The following BRD8 variants were observed in gnomAD, a reference collection of about 807,000 sequenced individuals.
The protein encoded by BRD8 is bromodomain-containing protein 8.
BRD8 carries 67 observed loss-of-function variants against 143.1 expected under a neutral mutation model. The ratio of observed to expected loss-of-function variants is 0.47; its 90% confidence interval spans 0.38 to 0.57. The LOEUF (loss-of-function observed/expected upper bound fraction) is 0.57. Ranked by LOEUF, BRD8 falls within the 20% of genes least tolerant of loss-of-function variation. The pLI is 0.00. For missense variants in BRD8, 1,103 were observed against 1,503.0 expected (o/e 0.73, Z 4.40); for synonymous variants, 505 against 517.1 (o/e 0.98, Z 0.32).
intron 2 of BRD8, among the ~76,000 whole-genome samples, chr5:138,174,400 GC>G (rs1327835735): frequency 6.6e-6 from 1 of 151,980 alleles, no homozygotes; most frequent in African/African-American, 2.4e-5. Flanking sequence ...TTCAAGACCA[GC>G]CTGGCCAACA....
intron 23 of BRD8, among the ~76,000 whole-genome samples, chr5:138,148,187 A>AG (rs1752236174): frequency 6.6e-6 from 1 of 150,634 alleles, no homozygotes; most frequent in Non-Finnish European, 1.5e-5. Context: ...GAAAAAAAAA[A>AG]GGGAAAAAAA....
chr5:138,142,114 C>A (rs1462742461), intron 25 of BRD8, among the ~76,000 whole-genome samples: 1 of 152,128 alleles, frequency 6.6e-6, no homozygotes, highest in African/African-American at 2.4e-5. Context: ...GGATTAGCAT[C>A]CTTATAAAAG....
intron 10 of BRD8, 137 bp from the exon 11 acceptor site, chr5:138,166,245 T>C (rs1218686732): frequency 1.4e-6 from 1 of 690,534 alleles, no homozygotes; most frequent in African/African-American, 1.8e-5. Context: ...CATGTGCCTA[T>C]GTTTTCTTCT....
At position 138,150,747 on chromosome 5, in the gene BRD8, C is replaced by G; in HGVS notation, c.3118G>C (p.Glu1040Gln). 1 of 1,606,326 alleles carries G rather than the reference C, an allele frequency of 6.2e-7. No homozygotes were observed. The highest frequency in any genetic ancestry group is 8.5e-7 in the Non-Finnish European group (1 of 1,177,186). ...GCTGATTTAAGTTACTTTCTTACCT[C>G]TTCACTCTCTGTGAGTAGTCCCTGA... ...TVQGLLTESE[E>Q]GEAQQESKGE... The change falls in exon 22 of 27, where the codon GAG becomes CAG. Residue 1040 changes from glutamate to glutamine, a missense_variant and splice_region_variant. Physicochemically the swap from Glu to Gln is conservative, Grantham distance 29. This residue lies in a region of BRD8 where 369 missense variants were observed against 445.5 expected (regional missense o/e 0.83). Transcript: ENST00000254900.
intron 10 of BRD8, 59 bp from the exon 11 acceptor site, chr5:138,166,167 T>A: frequency 8.2e-7 from 1 of 1,214,616 alleles, no homozygotes; most frequent in Non-Finnish European, 1.2e-6. Flanking sequence ...GCGACCACCT[T>A]GAGATCACAT....
At chr5:138,174,180 G>GTA (rs1754122030) in intron 2 of BRD8, among the ~76,000 whole-genome samples, 1 of 151,066 alleles carries the variant, frequency 6.6e-6, no homozygotes, top group Non-Finnish European at 1.5e-5. Flanking sequence ...GTGTGTGTGT[G>GTA]TATACATATA....
intron 25 of BRD8, among the ~76,000 whole-genome samples, chr5:138,141,359 G>A (rs192451057): frequency 0.024 from 3,721 of 152,268 alleles, 111 homozygotes; most frequent in African/African-American, 0.075. Flanking sequence ...CGAACTCCTA[G>A]CCTCAGGGGA....
chr5:138,173,266 C>A (rs368604937), intron 2 of BRD8, among the ~76,000 whole-genome samples: 1 of 151,774 alleles, frequency 6.6e-6, no homozygotes, highest in East Asian at 1.9e-4. Context: ...GGCATGGTGG[C>A]GTGCACCTTT....
intron 9 of BRD8, chr5:138,167,612 A>G: frequency 8.3e-6 from 2 of 239,958 alleles, no homozygotes; most frequent in South Asian, 5.9e-5. Flanking sequence ...TTCAAGCCCA[A>G]TTCTCTGGTT....
Position 138,149,924 on chromosome 5 carries a change from G to T in BRD8, c.3121-127C>A, listed in dbSNP as rs914040579. The T allele has an allele frequency of 1.2e-5, 10 of 846,712 alleles. No individual in the cohort carries two copies. The African/African-American group carries it at 1.6e-4, about 13-fold the overall frequency. The allele number at this position is 846,712 out of a possible 1,614,324, so 52.4% of individuals were successfully genotyped here. A position where few individuals can be genotyped will look rare whatever the true frequency, so the allele number is the denominator to read the frequency against. On this transcript the variant is annotated intron_variant, in intron 22 of 26. Coordinates refer to ENST00000254900, the MANE Select transcript of BRD8 (RefSeq NM_139199.2). ...AGGTCAATTACATAAAGCTACAAAAGAAATTAAAGAAAGCTGACTTAACTA... is the reference window on the plus strand; with the variant it reads ...AGGTCAATTACATAAAGCTACAAAATAAATTAAAGAAAGCTGACTTAACTA...
At chr5:138,171,870 T>C (rs1753890051) in intron 3 of BRD8, among the ~76,000 whole-genome samples, 195 bp downstream of exon 3, 1 of 152,154 alleles carries the variant, frequency 6.6e-6, no homozygotes, top group African/African-American at 2.4e-5. Flanking sequence ...TTAACTGTTA[T>C]GCAACACCAA....
At chr5:138,170,046 C>A (rs1753744889) in intron 7 of BRD8, among the ~76,000 whole-genome samples, 1 of 152,212 alleles carries the variant, frequency 6.6e-6, no homozygotes, top group African/African-American at 2.4e-5. Context: ...AATTTCTCCT[C>A]ATCTAATGAC....
At chr5:138,163,800 A>T (rs892730091) in intron 14 of BRD8, among the ~76,000 whole-genome samples, 1 of 152,186 alleles carries the variant, frequency 6.6e-6, no homozygotes, top group African/African-American at 2.4e-5. Context: ...AATAAACTTG[A>T]TTCCTGTATG....
chr5:138,173,836 C>A (rs1754086166), intron 2 of BRD8, among the ~76,000 whole-genome samples: 1 of 152,178 alleles, frequency 6.6e-6, no homozygotes, highest in Admixed American at 6.5e-5. Context: ...GCACACACCA[C>A]CAGACCTGGC....
chr5:138,144,916 A>ATAT (rs1337652818), intron 25 of BRD8, among the ~76,000 whole-genome samples: 18 of 135,270 alleles, frequency 1.3e-4, no homozygotes, highest in African/African-American at 3.5e-4. Context: ...AAAAAAAAAA[A>ATAT]AAATATATAT....
chr5:138,161,764 C>G, intron 17 of BRD8, 32 bp downstream of exon 17: 1 of 1,593,978 alleles, frequency 6.3e-7, no homozygotes, highest in South Asian at 1.1e-5. Flanking sequence ...ATAATTCAGG[C>G]AAGTTACCAT....
chr5:138,159,698 G>A (rs1752854506), intron 19 of BRD8, 99 bp from the exon 20 acceptor site: 30 of 1,173,096 alleles, frequency 2.6e-5, no homozygotes, highest in Non-Finnish European at 3.6e-5. Context: ...ACACACACAA[G>A]GACAAAATTT....
chr5:138,163,323 C>T lies in BRD8; in HGVS notation c.1894G>A (p.Glu632Lys), dbSNP rs975396260. Residue 632 changes from glutamate to lysine, a missense_variant, in exon 15 of 27, where the codon GAG becomes AAG. Glu to Lys is a moderately conservative substitution (Grantham distance 56). Around this residue, in one of 7 missense-constraint regions of BRD8, gnomAD observed 75 missense variants for 111.7 expected, o/e 0.67. Coordinates refer to ENST00000254900, the MANE Select transcript of BRD8 (RefSeq NM_139199.2). ...QIKDAPGEDE[E>K]EDGVSEAASL... Reference sequence around the variant, plus strand: ...GCCGCTTCACTGACACCATCTTCCTCCTCATCCTCACCTGGGGCATCCTTA... The same window carrying T: ...GCCGCTTCACTGACACCATCTTCCTTCTCATCCTCACCTGGGGCATCCTTA... 1 of 1,614,128 alleles carries T rather than the reference C, an allele frequency of 6.2e-7. No homozygotes were observed. Among genetic ancestry groups the T allele is most frequent in the Non-Finnish European group, 8.5e-7 (1 of 1,180,002 alleles).
chr5:138,145,083 TG>T (rs1752094612), intron 25 of BRD8, 93 bp downstream of exon 25: 1 of 1,287,756 alleles, frequency 7.8e-7, no homozygotes, highest in African/African-American at 1.5e-5. Context: ...ATCTTGAGTT[TG>T]TAAGTTATAA....
Sources: gnomAD v4.1 joint callset for allele counts (sites outside exome capture counted in the v4.1 genomes callset) on GRCh38, gnomAD v4.1.1 for gene constraint, gnomAD v4.1.1 regional missense constraint, MANE v1.5 for transcripts, NCBI Gene and HGNC (gene_info 2026-07-23, HGNC 2026-07-21) for gene names.